Variants in GRIN3B observed in about 807,000 individuals in gnomAD.
GRIN3B encodes the protein glutamate ionotropic receptor NMDA type subunit 3B, also known as glutamate receptor ionotropic, NMDA 3B.
Under a neutral mutation model 66.0 loss-of-function variants are expected in GRIN3B, and 77 were observed. The ratio of observed to expected loss-of-function variants is 1.17; its 90% confidence interval spans 0.97 to 1.41. The LOEUF (loss-of-function observed/expected upper bound fraction) is 1.41. Ranked by LOEUF, GRIN3B falls within the 40% of genes most tolerant of loss-of-function variation. The pLI is 0.00. For synonymous variants in GRIN3B, 823 were observed against 749.7 expected (o/e 1.10, Z -1.60); for missense variants, 1,787 against 1,564.5 (o/e 1.14, Z -2.40).
At chr19:1,002,725 C>G (rs1356029330) in intron 1 of GRIN3B, 1 of 170,986 alleles carries the variant, frequency 5.8e-6, no homozygotes. Context: ...GGACCTGAGG[C>G]TGGAGGCGTT....
intron 2 of GRIN3B, 76 bp from the exon 3 acceptor site, chr19:1,004,445 G>A: frequency 7.7e-7 from 1 of 1,296,292 alleles, no homozygotes; most frequent in South Asian, 1.3e-5. Context: ...TGGGAATCGG[G>A]CACGTGCTGG....
rs1157498191 is a variant in GRIN3B, at chr19:1,007,929, G to A, written c.2272G>A (p.Asp758Asn). The change falls in exon 5 of 9, where the codon GAC becomes AAC. Residue 758 changes from aspartate (D) to asparagine (N), a missense_variant. Coordinates refer to ENST00000234389, the MANE Select transcript of GRIN3B (RefSeq NM_138690.3). This position sits in a 1 kb window ranked among gnomAD's most constrained non-coding sequence, Gnocchi z 4.4. ...GGACTACGAGGTCTCCATCGACGCC[G>A]ACTGCAAACTGCTGACCGTGGGAAA... ...LLDYEVSIDA[D>N]CKLLTVGKPF... The A allele has an allele frequency of 1.2e-6, 2 of 1,611,968 alleles. No individual in the cohort carries two copies. Among genetic ancestry groups the A allele is most frequent in the Non-Finnish European group, 1.7e-6 (2 of 1,179,662 alleles).
rs1184573363 is a variant in GRIN3B, at chr19:1,003,507, C to T, written c.804C>T (p.Ala268=). The T allele has an allele frequency of 2.0e-6, 3 of 1,534,224 alleles. No individual in the cohort carries two copies. Among genetic ancestry groups the T allele is most frequent in the East Asian group, 2.5e-5 (1 of 40,534 alleles). ...TGGGGACACCACTGCCGCCCAAGGC[C>T]CTGCCCACCGCGGGGCTGCCACCAG... ...WLLGTPLPPK[A]LPTAGLPPGL... is the part of the protein sequence containing the mutation. Residue 268 remains alanine, a synonymous_variant, in exon 2 of 9, where the codon GCC becomes GCT. Transcript: ENST00000234389.
rs760582633 is a variant in GRIN3B at position 1,004,670 on chromosome 19, G to A, written c.1169G>A (p.Arg390Gln). Residue 390 changes from arginine to glutamine, a missense_variant, in exon 3 of 9, where the codon CGG becomes CAG. Arg to Gln is a conservative substitution (Grantham distance 43). Coordinates refer to ENST00000234389, the MANE Select transcript of GRIN3B (RefSeq NM_138690.3). ...APAWATVGSW[R>Q]DGQLDLEPGG... ...GCCTGGGCCACGGTGGGCAGCTGGC[G>A]GGACGGCCAGCTGGACTTGGAACCG... 20 of 1,597,252 alleles carry A rather than the reference G, an allele frequency of 1.3e-5. No individual in the cohort carries two copies. Among genetic ancestry groups the A allele is most frequent in the Middle Eastern group, 1.7e-4 (1 of 6,060 alleles).
In GRIN3B at chr19:1,007,787, C is replaced by G; in HGVS notation, c.2198+14C>G. ...CGCCATGCTCACGTGAGCCCGGGCG[C>G]GGGGTGAGGCGGGGGCGGGGCGTGG... On this transcript the variant is annotated intron_variant, in intron 4 of 8. Transcript: ENST00000234389. The surrounding 1 kb of genome is among the most constrained non-coding windows in gnomAD (Gnocchi z 4.4). 6.6e-7 allele frequency: 1 copy of G among 1,506,494 alleles called. No individual in the cohort carries two copies. Among genetic ancestry groups the G allele is most frequent in the South Asian group, 1.3e-5 (1 of 78,962 alleles). 93.3% of individuals were successfully genotyped at this position (1,506,494 alleles called of 1,614,324 possible).
chr19:1,004,147 G>C (rs2038714035), intron 2 of GRIN3B, among the ~76,000 whole-genome samples: 1 of 152,206 alleles, frequency 6.6e-6, no homozygotes, highest in Admixed American at 6.5e-5. Flanking sequence ...TGCCCACCTG[G>C]GGAACTATCT....
chr19:1,004,984 T>C lies in GRIN3B; in HGVS notation c.1483T>C (p.Phe495Leu), dbSNP rs774699784. 1 of 1,611,980 alleles carries C rather than the reference T, an allele frequency of 6.2e-7. No homozygotes were observed. Among genetic ancestry groups the C allele is most frequent in the South Asian group, 1.1e-5 (1 of 91,052 alleles). ...ERLAEDTPFDFELYLVGDGKY... is the reference protein window; with the variant it reads ...ERLAEDTPFDLELYLVGDGKY... ...GCTGGCGGAGGACACGCCCTTCGACTTCGAGCTGTACCTCGTGGGTGACGG... is the reference window on the plus strand; with the variant it reads ...GCTGGCGGAGGACACGCCCTTCGACCTCGAGCTGTACCTCGTGGGTGACGG... The change falls in exon 3 of 9, where the codon TTC becomes CTC. Residue 495 changes from phenylalanine to leucine, a missense_variant. Phe to Leu is a conservative substitution (Grantham distance 22). Transcript: ENST00000234389.
rs1167128005 is a variant in GRIN3B at position 1,008,219 on chromosome 19, C to T, written c.2394C>T (p.Gly798=). Residue 798 remains glycine (G), a synonymous_variant, in exon 6 of 9, where the codon GGC becomes GGT. Coordinates refer to ENST00000234389, the MANE Select transcript of GRIN3B (RefSeq NM_138690.3). The part of the protein sequence containing the change: ...SEFISRYKSS[G]FIDLLHDKWY... ...TCATCAGCCGCTACAAGTCCTCCGG[C>T]TTCATCGACCTGCTCCACGACAAGT... 1 of 1,611,874 alleles carries T rather than the reference C, an allele frequency of 6.2e-7. No homozygotes were observed. Among genetic ancestry groups the T allele is most frequent in the Non-Finnish European group, 8.5e-7 (1 of 1,179,438 alleles).
Position 1,005,019 on chromosome 19 carries a change from C to T in GRIN3B, c.1518C>T (p.Gly506=), listed in dbSNP as rs755568386. ...ACCTCGTGGGTGACGGCAAGTACGG[C>T]GCCCTGCGGGACGGCCGCTGGACCG... The part of the protein sequence containing the change: ...ELYLVGDGKY[G]ALRDGRWTGL... The change falls in exon 3 of 9, where the codon GGC becomes GGT. Residue 506 remains glycine, a synonymous_variant. Transcript: ENST00000234389. The surrounding 1 kb of genome is among the most constrained non-coding windows in gnomAD (Gnocchi z 5.2). 3.1e-6 allele frequency: 5 copies of T among 1,612,032 alleles called. No homozygotes were observed. Among genetic ancestry groups the T allele is most frequent in the East Asian group, 2.2e-5 (1 of 44,868 alleles).
Position 1,009,300 on chromosome 19 carries a change from G to A in GRIN3B, c.2830G>A (p.Val944Met). 7.1e-7 allele frequency: 1 copy of A among 1,411,666 alleles called. No individual in the cohort carries two copies. The highest frequency in any genetic ancestry group is 9.1e-7 in the Non-Finnish European group (1 of 1,093,300). The allele number at this position is 1,411,666 out of a possible 1,614,324, so 87.4% of individuals were successfully genotyped here. Reference protein sequence around the residue: ...VRFLLEPAVVVAPEADAEAEA... With the variant: ...VRFLLEPAVVMAPEADAEAEA... ...CTTCCTGCTGGAGCCCGCCGTGGTT[G>A]TGGCACCCGAAGCGGACGCGGAGGC... Residue 944 changes from valine (V) to methionine (M), a missense_variant, in exon 9 of 9, where the codon GTG becomes ATG. Coordinates refer to ENST00000234389, the MANE Select transcript of GRIN3B (RefSeq NM_138690.3).
At position 1,007,546 on chromosome 19, in the gene GRIN3B, CCCA is replaced by C; in HGVS notation, c.2053-79_2053-77del. ...GGCGCCCTGCAGTGCCCAGGACGGC[CCCA>C]CCCCGGAGAACGGCGCGCCCCTCAA... On this transcript the variant is annotated intron_variant, in intron 3 of 8. Transcript: ENST00000234389. This position sits in a 1 kb window ranked among gnomAD's most constrained non-coding sequence, Gnocchi z 4.4. 7.4e-7 allele frequency: 1 copy of C among 1,346,288 alleles called. No homozygotes were observed. The highest frequency in any genetic ancestry group is 1.7e-5 in the South Asian group (1 of 57,308). 83.4% of individuals were successfully genotyped at this position (1,346,288 alleles called of 1,614,324 possible).
Position 1,008,209 on chromosome 19 carries a change from A to G in GRIN3B, c.2384A>G (p.Lys795Arg), listed in dbSNP as rs1017272218. The G allele has an allele frequency of 6.2e-7, 1 of 1,612,288 alleles. No individual in the cohort carries two copies. The highest frequency in any genetic ancestry group is 8.5e-7 in the Non-Finnish European group (1 of 1,179,576). Residue 795 changes from lysine to arginine, a missense_variant, in exon 6 of 9, where the codon AAG becomes AGG. Transcript: ENST00000234389. ...CTGTCCGAGTTCATCAGCCGCTACA[A>G]GTCCTCCGGCTTCATCGACCTGCTC... Reference protein sequence around the residue: ...SNLSEFISRYKSSGFIDLLHD... With the variant: ...SNLSEFISRYRSSGFIDLLHD...
At chr19:1,008,984 C>T in intron 8 of GRIN3B, 57 bp downstream of exon 8, 1 of 1,545,504 alleles carries the variant, frequency 6.5e-7, no homozygotes, top group Non-Finnish European at 8.7e-7. Context: ...ACCACCCCAC[C>T]AGCTCGCCCC....
intron 1 of GRIN3B, 105 bp downstream of exon 1, chr19:1,000,968 G>A (rs1239955834): frequency 2.5e-6 from 3 of 1,184,352 alleles, no homozygotes; most frequent in Non-Finnish European, 3.3e-6. Context: ...GGACTACGCA[G>A]GGAAGGGGGA....
In GRIN3B at chr19:1,005,035, C is replaced by T. The variant is rs560397587; in HGVS notation, c.1534C>T (p.Arg512Cys). 3.4e-5 allele frequency: 55 copies of T among 1,611,608 alleles called. No homozygotes were observed. Among genetic ancestry groups the T allele is most frequent in the South Asian group, 1.2e-4 (11 of 90,996 alleles). Residue 512 changes from arginine to cysteine, a missense_variant, in exon 3 of 9, where the codon CGC (arginine) becomes TGC (cysteine). Physicochemically the swap from Arg to Cys is radical, Grantham distance 180 (BLOSUM62 -3). Transcript: ENST00000234389. The surrounding 1 kb of genome is among the most constrained non-coding windows in gnomAD (Gnocchi z 5.2). ...DGKYGALRDG[R>C]WTGLVGDLLA... Reference sequence around the variant, plus strand: ...CAAGTACGGCGCCCTGCGGGACGGCCGCTGGACCGGCCTGGTCGGGGACCT... The same window carrying T: ...CAAGTACGGCGCCCTGCGGGACGGCTGCTGGACCGGCCTGGTCGGGGACCT...
rs753062184 is a variant in GRIN3B, at chr19:1,008,716, C to A, written c.2565C>A (p.Phe855Leu). The A allele has an allele frequency of 2.5e-6, 4 of 1,608,950 alleles. No individual in the cohort carries two copies. Among genetic ancestry groups the A allele is most frequent in the Non-Finnish European group, 2.5e-6 (3 of 1,179,340 alleles). The change falls in exon 7 of 9, where the codon TTC becomes TTA. Residue 855 changes from phenylalanine (F) to leucine (L), a missense_variant. Physicochemically the swap from Phe to Leu is conservative, Grantham distance 22. Transcript: ENST00000234389. The stretch of plus-strand genomic sequence containing the variant: ...TCAGCTCGCTGGGCGAGCACGCCTT[C>A]TTCCGCCTGGCGCTGCCGCGCATCC... ...ALLSSLGEHA[F>L]FRLALPRIRK...
At chr19:1,006,464 T>C (rs1238294079) in intron 3 of GRIN3B, among the ~76,000 whole-genome samples, 2 of 151,840 alleles carry the variant, frequency 1.3e-5, no homozygotes, top group Admixed American at 1.3e-4. Flanking sequence ...TTATTTTTTT[T>C]TGAGACAGAG....
At position 1,009,089 on chromosome 19, in the gene GRIN3B, C is replaced by G; in HGVS notation, c.2703-84C>G. ...TCCCTGGTTGTGCCTGTCGGCCATCCTCTGCCGTCAGCGGCCTCTGCAGAG... is the reference window on the plus strand; with the variant it reads ...TCCCTGGTTGTGCCTGTCGGCCATCGTCTGCCGTCAGCGGCCTCTGCAGAG... On this transcript the variant is annotated intron_variant, in intron 8 of 8. Coordinates refer to ENST00000234389, the MANE Select transcript of GRIN3B (RefSeq NM_138690.3). 4 of 1,447,116 alleles carry G rather than the reference C, an allele frequency of 2.8e-6. No homozygotes were observed. The South Asian group carries it at 5.7e-5, about 20-fold the overall frequency. 89.6% of individuals were successfully genotyped at this position (1,447,116 alleles called of 1,614,324 possible).
rs144402697 is a variant in GRIN3B, at chr19:1,004,724, C to T, written c.1223C>T (p.Pro408Leu). The change falls in exon 3 of 9, where the codon CCA becomes CTA. Residue 408 changes from proline (P) to leucine (L), a missense_variant. Physicochemically the swap from Pro to Leu is moderately conservative, Grantham distance 98. Transcript: ENST00000234389. Reference protein sequence around the residue: ...PGGASARPPPPQGAQVWPKLR... With the variant: ...PGGASARPPPLQGAQVWPKLR... ...GGTGCCTCTGCACGGCCCCCGCCCC[C>T]ACAGGGTGCCCAGGTCTGGCCCAAG... 14 of 1,606,530 alleles carry T rather than the reference C, an allele frequency of 8.7e-6. No individual in the cohort carries two copies. The highest frequency in any genetic ancestry group is 1.3e-5 in the African/African-American group (1 of 74,774).
Sources: allele counts gnomAD v4.1 joint callset (sites outside exome capture counted in the v4.1 genomes callset), GRCh38; gene constraint gnomAD v4.1.1; non-coding constraint Gnocchi (gnomAD v3.1); transcripts MANE v1.5; gene names NCBI Gene and HGNC (gene_info 2026-07-23, HGNC 2026-07-21).